The following EEA1 variants were observed in gnomAD, a reference collection of about 807,000 sequenced individuals.
EEA1 encodes early endosome antigen 1.
A neutral mutation model predicts 209.2 loss-of-function variants in EEA1; 111 were observed. The observed-to-expected ratio is 0.53, with a 90% CI of 0.45 to 0.62. The LOEUF (loss-of-function observed/expected upper bound fraction) is 0.62. Among genes scored for constraint, EEA1 ranks in the 20% least tolerant of loss-of-function variants. The pLI is 0.00. For missense variants in EEA1, 1,343 were observed against 1,530.8 expected, an observed-to-expected ratio of 0.88 and a Z score of 2.05; for synonymous variants, 536 against 540.6, an observed-to-expected ratio of 0.99 and a Z score of 0.12.
At chr12:92,921,119 GGA>G (rs1880971817) in intron 1 of EEA1, among the ~76,000 whole-genome samples, 1 of 151,968 alleles carries the variant, frequency 6.6e-6, no homozygotes, top group Non-Finnish European at 1.5e-5. Flanking sequence ...GAGAGGATGT[GGA>G]GAAATAGGAA....
Position 92,787,875 on chromosome 12 carries a change from C to G in EEA1, c.3142G>C (p.Asp1048His), listed in dbSNP as rs1315499461. The G allele has an allele frequency of 6.2e-6, 10 of 1,604,756 alleles. No homozygotes were observed. The Admixed American group carries it at 6.8e-5, about 11-fold the overall frequency. ...RESELLATRQ[D>H]LKSVEEKLSL... is the part of the protein sequence containing the mutation. ...AGTATAGTTTACTATACCTTAAGAT[C>G]TTGCCTGGTGGCTAGAAGTTCAGAT... The change falls in exon 22 of 29, where the codon GAT becomes CAT. Residue 1048 changes from aspartate to histidine, a missense_variant. Transcript: ENST00000322349.
In EEA1 at chr12:92,776,850, C is replaced by A; in HGVS notation, c.4107G>T (p.Val1369=). 6.2e-7 allele frequency: 1 copy of A among 1,611,282 alleles called. No homozygotes were observed. ...CATGAACAAAATTATTTACCCGTCTCACTGTTACTGAAAAGCCTTTCCCAC... is the reference window on the plus strand; with the variant it reads ...CATGAACAAAATTATTTACCCGTCTAACTGTTACTGAAAAGCCTTTCCCAC... ...MACGKGFSVT[V]RRHHCRQCGN... is the part of the protein sequence containing the mutation. The change falls in exon 28 of 29, where the codon GTG becomes GTT. Residue 1369 remains valine, a synonymous_variant. Coordinates refer to ENST00000322349, the MANE Select transcript of EEA1 (RefSeq NM_003566.4).
intron 21 of EEA1, among the ~76,000 whole-genome samples, chr12:92,793,581 G>A (rs1321241997): frequency 6.6e-6 from 1 of 152,180 alleles, no homozygotes; most frequent in African/African-American, 2.4e-5. Context: ...CAAGGGATGT[G>A]AAGGACATCT....
intron 17 of EEA1, among the ~76,000 whole-genome samples, chr12:92,809,380 T>C (rs1484482498): frequency 6.6e-6 from 1 of 151,562 alleles, no homozygotes; most frequent in Non-Finnish European, 1.5e-5. Flanking sequence ...TGCCACTAAG[T>C]GTTGGTGTTT....
At chr12:92,779,838 C>A (rs1873827580) in intron 24 of EEA1, among the ~76,000 whole-genome samples, 1 of 151,756 alleles carries the variant, frequency 6.6e-6, no homozygotes, top group African/African-American at 2.4e-5. Context: ...AATTAGTTTT[C>A]TTCAATGGGT....
chr12:92,915,886 A>G (rs1311472344), intron 1 of EEA1, among the ~76,000 whole-genome samples: 2 of 152,196 alleles, frequency 1.3e-5, no homozygotes, highest in Non-Finnish European at 2.9e-5. Context: ...TCTTATGGTC[A>G]TATTTAAAAT....
chr12:92,818,957 T>G (rs1875921461), intron 14 of EEA1, among the ~76,000 whole-genome samples: 2 of 152,328 alleles, frequency 1.3e-5, no homozygotes, highest in Middle Eastern at 3.4e-3. Context: ...ATGAATACAT[T>G]TCATTATTCT....
chr12:92,809,207 T>C, intron 17 of EEA1, 51 bp from the exon 18 acceptor site: 8 of 1,376,712 alleles, frequency 5.8e-6, no homozygotes, highest in Non-Finnish European at 7.8e-6. Flanking sequence ...TAATTATCAA[T>C]CTATTATTAA....
At chr12:92,916,328 G>A (rs1357399446) in intron 1 of EEA1, among the ~76,000 whole-genome samples, 2 of 151,980 alleles carry the variant, frequency 1.3e-5, no homozygotes, top group East Asian at 1.9e-4. Context: ...GAGATCTGTG[G>A]ATCATGCTCA....
At chr12:92,853,261 A>G (rs1877716756) in intron 6 of EEA1, among the ~76,000 whole-genome samples, 1 of 152,234 alleles carries the variant, frequency 6.6e-6, no homozygotes, top group Non-Finnish European at 1.5e-5. Context: ...TAAATAATCT[A>G]TAAATATTTT....
chr12:92,895,816 GGGA>G (rs1879855601), intron 1 of EEA1, among the ~76,000 whole-genome samples: 1 of 152,094 alleles, frequency 6.6e-6, no homozygotes, highest in African/African-American at 2.4e-5. Context: ...TGTGATTCAT[GGGA>G]GGAAGTCAAA....
At chr12:92,815,430 T>A (rs952147229) in intron 15 of EEA1, among the ~76,000 whole-genome samples, 1 of 152,210 alleles carries the variant, frequency 6.6e-6, no homozygotes, top group Non-Finnish European at 1.5e-5. Flanking sequence ...ATATAACTCA[T>A]CTAGCAAATA....
chr12:92,884,655 A>G, intron 2 of EEA1: 1 of 1,285,646 alleles, frequency 7.8e-7, no homozygotes. Context: ...CAAGGTGGCT[A>G]TGGTGGTTCC....
intron 21 of EEA1, among the ~76,000 whole-genome samples, chr12:92,798,117 A>G (rs1342439574): frequency 2.6e-5 from 4 of 152,202 alleles, no homozygotes; most frequent in Non-Finnish European, 1.5e-5. Context: ...AATATGCTCA[A>G]TAATAAATTA....
chr12:92,906,137 G>A (rs1295637541), intron 1 of EEA1, among the ~76,000 whole-genome samples: 2 of 150,238 alleles, frequency 1.3e-5, no homozygotes, highest in African/African-American at 4.9e-5. Flanking sequence ...TGTCACCTAG[G>A]CTGGAGTGCA....
At position 92,813,076 on chromosome 12, in the gene EEA1, T is replaced by A. The variant is rs746128394; in HGVS notation, c.1947A>T (p.Glu649Asp). The part of the protein sequence containing the change: ...QLDIQIKAKT[E>D]LLLSAEAAKT... ...TTGCTGCTTCTGCTGATAGTAATAG[T>A]TCGGTTTTGGCTTTAATCTGTAACA... is the stretch of plus-strand genomic sequence containing the variant. Residue 649 changes from glutamate to aspartate, a missense_variant, in exon 16 of 29, where the codon GAA becomes GAT. Around this residue, in one of 3 missense-constraint regions of EEA1, gnomAD observed 1,307 missense variants for 1,465.5 expected, o/e 0.89. Transcript: ENST00000322349. The A allele has an allele frequency of 4.0e-5, 63 of 1,589,898 alleles. No individual in the cohort carries two copies. The South Asian group carries it at 6.7e-4, about 17-fold the overall frequency.
intron 3 of EEA1, chr12:92,859,111 G>C (rs1313935284): frequency 2.9e-6 from 3 of 1,024,874 alleles, no homozygotes; most frequent in Non-Finnish European, 3.0e-6. Flanking sequence ...TCAGAAGAGT[G>C]AGAGGGAGCT....
chr12:92,827,165 G>A (rs563603732), intron 12 of EEA1, among the ~76,000 whole-genome samples: 41 of 152,204 alleles, frequency 2.7e-4, no homozygotes, highest in Middle Eastern at 3.4e-3. Context: ...AGACCAGCCT[G>A]GCCAACATGG....
intron 1 of EEA1, among the ~76,000 whole-genome samples, chr12:92,910,082 G>A (rs1880521520): frequency 6.6e-6 from 1 of 152,062 alleles, no homozygotes. Context: ...GGTGGAGGTT[G>A]CAGTGAGCCA....
Sources: allele counts gnomAD v4.1 joint callset (sites outside exome capture counted in the v4.1 genomes callset), GRCh38; gene constraint gnomAD v4.1.1; regional missense constraint gnomAD v4.1.1; transcripts MANE v1.5; gene names NCBI Gene and HGNC (gene_info 2026-07-23, HGNC 2026-07-21).